The following STAG1 variants were observed in gnomAD, a reference collection of about 807,000 sequenced individuals.
The protein encoded by STAG1 is STAG1 cohesin complex component.
Under a neutral mutation model 170.9 loss-of-function variants are expected in STAG1, and 26 were observed. The observed-to-expected ratio is 0.15, with a 90% confidence interval of 0.11 to 0.21. STAG1 has a LOEUF of 0.21. Ranked by LOEUF, STAG1 falls within the 10% of genes least tolerant of loss-of-function variation. The probability of loss-of-function intolerance (pLI) is 1.00; values close to 1 mark genes in which losing one functional copy is unlikely to be tolerated. For missense variants in STAG1, 964 were observed against 1,509.5 expected, an observed-to-expected ratio of 0.64 and a Z score of 5.99; for synonymous variants, 514 against 497.7, an observed-to-expected ratio of 1.03 and a Z score of -0.44.
chr3:136,406,403 G>A (rs1297250953), intron 21 of STAG1, among the ~76,000 whole-genome samples: 1 of 152,166 alleles, frequency 6.6e-6, no homozygotes, highest in Admixed American at 6.6e-5. Context: ...CAGTTGGGGT[G>A]AGCATATGAC....
intron 1 of STAG1, among the ~76,000 whole-genome samples, chr3:136,692,253 G>A (rs1942751023): frequency 7.0e-6 from 1 of 142,022 alleles, no homozygotes; most frequent in Non-Finnish European, 1.5e-5. Context: ...GGAAGAGGCT[G>A]CAGTGAGCCA....
chr3:136,372,148 C>T (rs1937374770), intron 23 of STAG1, among the ~76,000 whole-genome samples: 1 of 148,738 alleles, frequency 6.7e-6, no homozygotes, highest in Admixed American at 6.7e-5. Flanking sequence ...CATGATTTGG[C>T]TGTCTGTTAT....
rs746300449 is a variant in STAG1, at chr3:136,699,551, A to AT, written c.-84+52643dup. On this transcript the variant is annotated intron_variant, in intron 1 of 33. Coordinates refer to ENST00000383202, the MANE Select transcript of STAG1 (RefSeq NM_005862.3). ...GACTAAGCGCCACCACGTCTAATTT[A>AT]TTTTTTTTTTTTTTATGGTAGATGG... Among the ~76,000 whole-genome samples the AT allele has an allele frequency of 6.2e-3, 878 of 141,418 alleles. 1 individual carries two copies. Among genetic ancestry groups the AT allele is most frequent in the African/African-American group, 7.7e-3 (296 of 38,680 alleles). The allele number at this position is 141,418 out of a possible 152,430, so 92.8% of individuals were successfully genotyped here. A position where few individuals can be genotyped will look rare whatever the true frequency, so the allele number is the denominator to read the frequency against.
chr3:136,423,866 A>AT lies in STAG1; in HGVS notation c.1651-823dup, dbSNP rs1239302223. Among the ~76,000 whole-genome samples the AT allele has an allele frequency of 5.3e-4, 77 of 144,056 alleles. No homozygotes were observed. The Middle Eastern group carries it at 0.014, about 27-fold the overall frequency. The allele number at this position is 144,056 out of a possible 152,430, so 94.5% of individuals were successfully genotyped here. A position where few individuals can be genotyped will look rare whatever the true frequency, so the allele number is the denominator to read the frequency against. Reference sequence around the variant, plus strand: ...TGATTGTTCAGTCTTTTTTTTTTTTATTTTTTTTTATTTTTGAGACAGAGT... The same window carrying AT: ...TGATTGTTCAGTCTTTTTTTTTTTTATTTTTTTTTTATTTTTGAGACAGAGT... On this transcript the variant is annotated intron_variant, in intron 16 of 33. Coordinates refer to ENST00000383202, the MANE Select transcript of STAG1 (RefSeq NM_005862.3).
rs1247595308 is a variant in STAG1 at position 136,336,865 on chromosome 3, A to ATGAT, written c.*1385_*1388dup. On this transcript the variant is annotated 3_prime_UTR_variant, in exon 34 of 34. Transcript: ENST00000383202. ...GTATTTGATAAAAAGGGAAAGCCTC[A>ATGAT]TGATTCTGTTGCAGCTACTTTAAAA... 1 of 152,270 alleles carries ATGAT rather than the reference A, an allele frequency of 6.6e-6. No homozygotes were observed. Among genetic ancestry groups the ATGAT allele is most frequent in the Non-Finnish European group, 1.5e-5 (1 of 68,048 alleles). 9.4% of individuals were successfully genotyped at this position (152,270 alleles called of 1,614,324 possible). A position where few individuals can be genotyped will look rare whatever the true frequency, so the allele number is the denominator to read the frequency against.
chr3:136,578,933 G>C (rs1461045733), intron 4 of STAG1, among the ~76,000 whole-genome samples: 1 of 152,108 alleles, frequency 6.6e-6, no homozygotes, highest in Non-Finnish European at 1.5e-5. Context: ...ATGGCTAAAA[G>C]GAAGTTCGTG....
rs760086944 is a variant in STAG1, at chr3:136,433,667, A to G, written c.1547-8T>C. Reference sequence around the variant, plus strand: ...CTTGACGATCAGACATTGCTAAGGTAAAACAAAATACATGAGCATGAGTAG... The same window carrying G: ...CTTGACGATCAGACATTGCTAAGGTGAAACAAAATACATGAGCATGAGTAG... On this transcript the variant is annotated splice_region_variant and splice_polypyrimidine_tract_variant and intron_variant, in intron 15 of 33. Transcript: ENST00000383202. 29 of 1,585,690 alleles carry G rather than the reference A, an allele frequency of 1.8e-5. No individual in the cohort carries two copies. Among genetic ancestry groups the G allele is most frequent in the Non-Finnish European group, 2.2e-5 (26 of 1,156,264 alleles).
At chr3:136,586,962 A>G (rs1361351891) in intron 4 of STAG1, 2 of 450,654 alleles carry the variant, frequency 4.4e-6, no homozygotes, top group Non-Finnish European at 8.9e-6. Flanking sequence ...GGAGGGGCTT[A>G]GATTCCTGAA....
intron 13 of STAG1, among the ~76,000 whole-genome samples, chr3:136,459,230 A>AAAAAAAAGAAAAAG (rs1553725123): frequency 5.8e-4 from 88 of 150,850 alleles, no homozygotes; most frequent in African/African-American, 2.1e-3. Context: ...GAAAAAAAAA[A>AAAAAAAAGAAAAAG]AAAAAAGAAA....
intron 9 of STAG1, among the ~76,000 whole-genome samples, chr3:136,490,362 C>A (rs954908632): frequency 6.6e-6 from 1 of 152,088 alleles, no homozygotes; most frequent in South Asian, 2.1e-4. Context: ...GAAAATGTGG[C>A]AAGTTTATAA....
chr3:136,426,660 T>C (rs1425412360), intron 16 of STAG1, among the ~76,000 whole-genome samples: 2 of 151,982 alleles, frequency 1.3e-5, no homozygotes, highest in African/African-American at 4.8e-5. Context: ...GTATCGTGGC[T>C]AGGAATGGTG....
chr3:136,446,827 C>CA (rs1286488384), intron 14 of STAG1, among the ~76,000 whole-genome samples: 2 of 150,268 alleles, frequency 1.3e-5, no homozygotes, highest in African/African-American at 4.9e-5. Context: ...TTTTTTGAGA[C>CA]AGAGTCTTGC....
chr3:136,639,492 T>G (rs1184503042), intron 1 of STAG1, among the ~76,000 whole-genome samples: 1 of 152,242 alleles, frequency 6.6e-6, no homozygotes, highest in Non-Finnish European at 1.5e-5. Flanking sequence ...ATAAGAATTG[T>G]GTGACAACTA....
chr3:136,689,354 T>C (rs1410888501), intron 1 of STAG1, among the ~76,000 whole-genome samples: 1 of 152,226 alleles, frequency 6.6e-6, no homozygotes, highest in African/African-American at 2.4e-5. Context: ...AAACTCAGAA[T>C]AAATGGCATA....
intron 1 of STAG1, among the ~76,000 whole-genome samples, chr3:136,751,172 G>GTTTT (rs776717703): frequency 1.0e-4 from 14 of 136,138 alleles, no homozygotes; most frequent in Non-Finnish European, 9.4e-5. Context: ...GACAAATTGC[G>GTTTT]TTTTTTTTTT....
At chr3:136,485,792 T>G (rs2089997783) in intron 9 of STAG1, among the ~76,000 whole-genome samples, 1 of 152,222 alleles carries the variant, frequency 6.6e-6, no homozygotes, top group South Asian at 2.1e-4. Context: ...TACAACTTGC[T>G]TTTTTCACAA....
At chr3:136,397,336 C>T (rs984445296) in intron 22 of STAG1, among the ~76,000 whole-genome samples, 4 of 152,066 alleles carry the variant, frequency 2.6e-5, no homozygotes, top group Non-Finnish European at 5.9e-5. Flanking sequence ...TAAGGTTTTA[C>T]TTGTGGAAAA....
intron 28 of STAG1, among the ~76,000 whole-genome samples, chr3:136,350,901 CG>C (rs1409133196): frequency 3.3e-5 from 5 of 152,004 alleles, no homozygotes; most frequent in Admixed American, 1.3e-4. Flanking sequence ...GCAAAACAGC[CG>C]GAAGTTCAAC....
intron 22 of STAG1, among the ~76,000 whole-genome samples, chr3:136,383,986 G>A (rs1938125700): frequency 6.7e-6 from 1 of 148,866 alleles, no homozygotes; most frequent in African/African-American, 2.5e-5. Context: ...AACAGAAACA[G>A]TCACAGAGAT....
Sources: gnomAD v4.1 joint callset for allele counts (sites outside exome capture counted in the v4.1 genomes callset) on GRCh38, gnomAD v4.1.1 for gene constraint, MANE v1.5 for transcripts, NCBI Gene and HGNC (gene_info 2026-07-23, HGNC 2026-07-21) for gene names.